Variants in SLC14A2 observed in about 807,000 individuals in gnomAD.
The protein encoded by SLC14A2 is solute carrier family 14 member 2.
A neutral mutation model predicts 104.6 loss-of-function variants in SLC14A2; 91 were observed. The ratio of observed to expected loss-of-function variants is 0.87; its 90% CI spans 0.73 to 1.04. The LOEUF (loss-of-function observed/expected upper bound fraction) is 1.04. SLC14A2 is among the 50% of genes least tolerant of loss of function. The pLI is 0.00. For synonymous variants in SLC14A2, 476 were observed against 466.4 expected, an observed-to-expected ratio of 1.02 and a Z score of -0.27; for missense variants, 1,189 against 1,156.0, an observed-to-expected ratio of 1.03 and a Z score of -0.41.
chr18:45,359,678 G>A (rs1043691141), intron 1 of SLC14A2, among the ~76,000 whole-genome samples: 1 of 152,194 alleles, frequency 6.6e-6, no homozygotes, highest in Non-Finnish European at 1.5e-5. Flanking sequence ...GTGTGCAGAG[G>A]GGGAGCATCG....
At chr18:45,171,959 G>A in the SLC14A2 span, among the ~76,000 whole-genome samples, 1 of 152,088 alleles carries the variant, frequency 6.6e-6, no homozygotes, top group Non-Finnish European at 1.5e-5. Context: ...AAAGTTTAGG[G>A]AGGCAGTTTT....
intron 1 of SLC14A2, among the ~76,000 whole-genome samples, chr18:45,388,310 C>A (rs181124201): frequency 3.9e-5 from 6 of 152,206 alleles, no homozygotes; most frequent in Admixed American, 2.6e-4. Flanking sequence ...GATCCACCTG[C>A]CTTGGCCTCC....
chr18:45,560,422 C>T (rs1346992956), intron 2 of SLC14A2, among the ~76,000 whole-genome samples: 1 of 152,114 alleles, frequency 6.6e-6, no homozygotes, highest in Non-Finnish European at 1.5e-5. Flanking sequence ...TATCCATATA[C>T]CTCAGGGATT....
At chr18:45,215,063 G>A (rs2083997906) in intron 1 of SLC14A2, among the ~76,000 whole-genome samples, 1 of 152,098 alleles carries the variant, frequency 6.6e-6, no homozygotes, top group Non-Finnish European at 1.5e-5. Context: ...GAAGGCTGTA[G>A]GAATGAGATG....
At chr18:45,332,336 CTATT>C (rs1363898608) in intron 1 of SLC14A2, among the ~76,000 whole-genome samples, 2 of 152,088 alleles carry the variant, frequency 1.3e-5, no homozygotes, top group East Asian at 1.9e-4. Flanking sequence ...TACAACATAA[CTATT>C]TATATAGAAT....
chr18:45,250,231 T>G (rs1391708159), intron 1 of SLC14A2, among the ~76,000 whole-genome samples: 2 of 152,210 alleles, frequency 1.3e-5, no homozygotes, highest in African/African-American at 2.4e-5. Context: ...TATATCATGT[T>G]TTTCTGCTCA....
intron 1 of SLC14A2, among the ~76,000 whole-genome samples, chr18:45,295,303 T>C (rs547984128): frequency 2.5e-4 from 24 of 95,222 alleles, no homozygotes; most frequent in African/African-American, 1.1e-3. Context: ...TTTTAAAGCA[T>C]TTTTTTTTTT....
intron 1 of SLC14A2, among the ~76,000 whole-genome samples, chr18:45,279,766 C>T (rs528062892): frequency 6.6e-6 from 1 of 152,250 alleles, no homozygotes; most frequent in African/African-American, 2.4e-5. Flanking sequence ...AACTTACAAC[C>T]ATCCAAGGCT....
chr18:45,586,968 A>G (rs1319095866), intron 2 of SLC14A2, among the ~76,000 whole-genome samples: 1 of 152,170 alleles, frequency 6.6e-6, no homozygotes, highest in African/African-American at 2.4e-5. Flanking sequence ...ACTAGAAAAA[A>G]AAAAGTTTAT....
chr18:45,272,843 C>T (rs2084664651), intron 1 of SLC14A2, among the ~76,000 whole-genome samples: 1 of 152,164 alleles, frequency 6.6e-6, no homozygotes, highest in East Asian at 1.9e-4. Flanking sequence ...ACATTGCATG[C>T]CTGTATCAAA....
intron 1 of SLC14A2, among the ~76,000 whole-genome samples, chr18:45,224,562 G>C (rs2084095469): frequency 6.6e-6 from 1 of 151,966 alleles, no homozygotes; most frequent in African/African-American, 2.4e-5. Flanking sequence ...GGTCTTCAAT[G>C]AGTGCTGCAG....
chr18:45,301,172 G>T (rs1225143119), intron 1 of SLC14A2, among the ~76,000 whole-genome samples: 2 of 152,202 alleles, frequency 1.3e-5, no homozygotes, highest in Non-Finnish European at 2.9e-5. Flanking sequence ...GTGATTAACA[G>T]CATTCCACTT....
At chr18:45,202,398 C>A in the SLC14A2 span, among the ~76,000 whole-genome samples, 1 of 152,070 alleles carries the variant, frequency 6.6e-6, no homozygotes, top group Non-Finnish European at 1.5e-5. Flanking sequence ...AATCTAGGGA[C>A]CAATTATGTG....
At chr18:45,540,626 T>C (rs2144856331) in intron 2 of SLC14A2, among the ~76,000 whole-genome samples, 1 of 152,180 alleles carries the variant, frequency 6.6e-6, no homozygotes, top group African/African-American at 2.4e-5. Context: ...GCGCCTATAA[T>C]CCCAGCTACT....
chr18:45,543,974 G>T (rs558156070), intron 2 of SLC14A2, among the ~76,000 whole-genome samples: 141 of 152,336 alleles, frequency 9.3e-4, no homozygotes, highest in Non-Finnish European at 1.7e-3. Context: ...TCTCTAATGG[G>T]TTTCCCTGGT....
chr18:45,518,542 A>T (rs1395015756), intron 2 of SLC14A2, among the ~76,000 whole-genome samples: 2 of 152,142 alleles, frequency 1.3e-5, no homozygotes, highest in African/African-American at 4.8e-5. Flanking sequence ...CAGCCCTGTA[A>T]CTGTTGGAGC....
At chr18:45,476,172 C>T (rs1430898614) in intron 1 of SLC14A2, among the ~76,000 whole-genome samples, 1 of 152,114 alleles carries the variant, frequency 6.6e-6, no homozygotes, top group African/African-American at 2.4e-5. Flanking sequence ...TAAGGCGGGC[C>T]TGGTGGTGAC....
intron 1 of SLC14A2, among the ~76,000 whole-genome samples, chr18:45,251,832 T>G (rs538987064): frequency 1.1e-4 from 17 of 152,318 alleles, no homozygotes; most frequent in African/African-American, 1.9e-4. Context: ...CTTCAACATA[T>G]GAATTTTGGG....
chr18:45,230,671 G>C (rs2084166041), intron 1 of SLC14A2, among the ~76,000 whole-genome samples: 1 of 152,110 alleles, frequency 6.6e-6, no homozygotes, highest in Admixed American at 6.5e-5. Flanking sequence ...TGTCTTTGGG[G>C]GCCATTATTC....
Sources: allele counts gnomAD v4.1 joint callset (sites outside exome capture counted in the v4.1 genomes callset), GRCh38; gene constraint gnomAD v4.1.1; transcripts MANE v1.5; gene names NCBI Gene and HGNC (gene_info 2026-07-23, HGNC 2026-07-21).